Variants in MRPS15 observed in about 807,000 individuals in gnomAD.
MRPS15 encodes the protein mitochondrial ribosomal protein S15, also known as small ribosomal subunit protein uS15m.
MRPS15 carries 25 observed loss-of-function variants against 30.7 expected under a neutral mutation model. The observed-to-expected ratio is 0.81, with a 90% CI of 0.59 to 1.14. The LOEUF (loss-of-function observed/expected upper bound fraction) is 1.14. Among genes scored for constraint, MRPS15 ranks in the 50% most tolerant of loss-of-function variants. MRPS15 has a pLI of 0.00. For synonymous variants in MRPS15, 124 were observed against 120.1 expected (o/e 1.03, Z -0.21); for missense variants, 313 against 321.7 (o/e 0.97, Z 0.21).
rs531278002 is a variant in MRPS15, at chr1:36,463,983, C to T, written c.131-133G>A. ...ACCTAACCGCTGCCCCATTTCTTCC[C>T]TACCCCTTGTCTCTCACATCTTGTT... On this transcript the variant is annotated intron_variant, in intron 1 of 7. Transcript: ENST00000373116. 9.6e-5 allele frequency: 144 copies of T among 1,504,478 alleles called. 1 individual carries two copies. The African/African-American group carries it at 1.9e-3, about 20-fold the overall frequency. 93.2% of individuals were successfully genotyped at this position (1,504,478 alleles called of 1,614,324 possible).
chr1:36,464,251 G>T lies in MRPS15; in HGVS notation c.25C>A (p.Leu9Met). The T allele has an allele frequency of 6.2e-7, 1 of 1,613,938 alleles. No homozygotes were observed. The highest frequency in any genetic ancestry group is 2.2e-5 in the East Asian group (1 of 44,864). Residue 9 changes from leucine to methionine, a missense_variant, in exon 1 of 8, where the codon CTG becomes ATG. Physicochemically the swap from Leu to Met is conservative, Grantham distance 15. Transcript: ENST00000373116. ...ACTGCCCGGGTCCGAATCAAACTCA[G>T]CGTCCTCCACGCGACCCTCAGCATG... is the stretch of plus-strand genomic sequence containing the variant. Reference protein sequence around the residue: MLRVAWRTLSLIRTRAVTQ... With the variant: MLRVAWRTMSLIRTRAVTQ...
In MRPS15 at chr1:36,463,716, G is replaced by A. The variant is rs956642138; in HGVS notation, c.175+90C>T. The stretch of plus-strand genomic sequence containing the variant: ...GGACCTCTGGCTCACCTCATCTAGT[G>A]GCTCTAATTCGCCACATCGGTCCCC... On this transcript the variant is annotated intron_variant, in intron 2 of 7. Transcript: ENST00000373116. The A allele has an allele frequency of 1.4e-5, 20 of 1,463,664 alleles. No homozygotes were observed. In the African/African-American group the frequency reaches 2.9e-4, roughly 21 times the overall value. The allele number at this position is 1,463,664 out of a possible 1,614,324, so 90.7% of individuals were successfully genotyped here.
At chr1:36,457,849 C>G in intron 6 of MRPS15, 74 bp downstream of exon 6, 1 of 1,444,208 alleles carries the variant, frequency 6.9e-7, no homozygotes. Flanking sequence ...TTCTCTGGAC[C>G]CAGAGCCCTT....
At position 36,463,835 on chromosome 1, in the gene MRPS15, G is replaced by A. The variant is rs746586243; in HGVS notation, c.146C>T (p.Ala49Val). Residue 49 changes from alanine (A) to valine (V), a missense_variant, in exon 2 of 8, where the codon GCC (alanine) becomes GTC (valine). Transcript: ENST00000373116. Reference protein sequence around the residue: ...GLQPRSLLLQAARGYVVRKPA... With the variant: ...GLQPRSLLLQVARGYVVRKPA... The stretch of plus-strand genomic sequence containing the variant: ...TTTCCGGACGACATATCCGCGCGCG[G>A]CCTGGAGGAGGAGACCTACGCAGAA... 3.7e-6 allele frequency: 6 copies of A among 1,612,646 alleles called. No homozygotes were observed. Among genetic ancestry groups the A allele is most frequent in the Middle Eastern group, 1.6e-4 (1 of 6,078 alleles).
At chr1:36,456,667 C>T in intron 6 of MRPS15, 1 of 291,804 alleles carries the variant, frequency 3.4e-6, no homozygotes, top group Non-Finnish European at 6.5e-6. Context: ...CTTTCTCCTA[C>T]ACTACCCACT....
intron 4 of MRPS15, 26 bp from the exon 5 acceptor site, chr1:36,460,802 T>G (rs752483301): frequency 1.1e-5 from 17 of 1,590,388 alleles, no homozygotes; most frequent in Non-Finnish European, 1.4e-5. Flanking sequence ...ACAGAGAAAA[T>G]CTGTGGAGTC....
rs555624196 is a variant in MRPS15, at chr1:36,461,199, C to T, written c.300+65G>A. ...GAAGCATGAGATGCGGGGTGCTAAT[C>T]AGGGTAGAAGGGAGTCCCAGAGGAG... On this transcript the variant is annotated intron_variant, in intron 4 of 7. Transcript: ENST00000373116. 16 of 1,479,818 alleles carry T rather than the reference C, an allele frequency of 1.1e-5. No homozygotes were observed. The South Asian group carries it at 1.8e-4, about 17-fold the overall frequency. 91.7% of individuals were successfully genotyped at this position (1,479,818 alleles called of 1,614,324 possible).
intron 5 of MRPS15, 152 bp downstream of exon 5, chr1:36,460,540 T>G: frequency 1.6e-6 from 1 of 627,852 alleles, no homozygotes; most frequent in Non-Finnish European, 2.8e-6. Context: ...CATCAGAGCT[T>G]GGGATACAGG....
intron 1 of MRPS15, 103 bp downstream of exon 1, chr1:36,464,043 A>T (rs954336398): frequency 1.5e-6 from 2 of 1,299,426 alleles, no homozygotes; most frequent in African/African-American, 3.3e-5. Flanking sequence ...TTTCCCCCTT[A>T]TCCTGACCGC....
intron 1 of MRPS15, 121 bp downstream of exon 1, chr1:36,464,025 C>T: frequency 7.3e-7 from 1 of 1,367,432 alleles, no homozygotes; most frequent in Non-Finnish European, 9.9e-7. Context: ...CTTGCGCAAC[C>T]ACCGCCCTTT....
At chr1:36,456,860 A>G (rs1457672063) in intron 6 of MRPS15, among the ~76,000 whole-genome samples, 1 of 152,250 alleles carries the variant, frequency 6.6e-6, no homozygotes, top group East Asian at 1.9e-4. Flanking sequence ...TCCAGGGAAC[A>G]CTGAGGTGCC....
chr1:36,464,154 T>C lies in MRPS15; in HGVS notation c.122A>G (p.Gln41Arg), dbSNP rs770397267. 2.5e-6 allele frequency: 4 copies of C among 1,613,722 alleles called. No homozygotes were observed. In the South Asian group the frequency reaches 3.3e-5, roughly 13 times the overall value. ...AKFPFNQWGL[Q>R]PRSLLLQAAR... is the part of the protein sequence containing the mutation. ...ATTTCTCAGCTCCTCACTTCGAGGC[T>C]GCAGGCCCCACTGGTTGAAAGGAAA... Residue 41 changes from glutamine (Q) to arginine (R), a missense_variant, in exon 1 of 8, where the codon CAG becomes CGG. Coordinates refer to ENST00000373116, the MANE Select transcript of MRPS15 (RefSeq NM_031280.4).
At chr1:36,461,816 CAA>C (rs1557581513) in intron 3 of MRPS15, among the ~76,000 whole-genome samples, 2 of 152,088 alleles carry the variant, frequency 1.3e-5, no homozygotes, top group Non-Finnish European at 2.9e-5. Flanking sequence ...GAGATTTCTA[CAA>C]AGACCTGTGA....
In MRPS15 at chr1:36,456,524, G is replaced by A. The variant is rs1026468722; in HGVS notation, c.445-146C>T. On this transcript the variant is annotated intron_variant, in intron 6 of 7. Transcript: ENST00000373116. Reference sequence around the variant, plus strand: ...CAATTCTGAAGGAGGTATTATCATTGTTATTCCCATTTTACAGATGAGAAA... The same window carrying A: ...CAATTCTGAAGGAGGTATTATCATTATTATTCCCATTTTACAGATGAGAAA... The A allele has an allele frequency of 1.3e-5, 10 of 761,864 alleles. No individual in the cohort carries two copies. The African/African-American group carries it at 1.8e-4, about 14-fold the overall frequency. 47.2% of individuals were successfully genotyped at this position (761,864 alleles called of 1,614,324 possible). A position where few individuals can be genotyped will look rare whatever the true frequency, so the allele number is the denominator to read the frequency against.
chr1:36,461,740 T>C (rs1349757202), intron 3 of MRPS15, among the ~76,000 whole-genome samples: 1 of 152,168 alleles, frequency 6.6e-6, no homozygotes, highest in Non-Finnish European at 1.5e-5. Context: ...TAGAACTGTA[T>C]GACACTGGAC....
At chr1:36,460,080 G>A (rs1435734694) in intron 5 of MRPS15, among the ~76,000 whole-genome samples, 1 of 152,126 alleles carries the variant, frequency 6.6e-6, no homozygotes, top group African/African-American at 2.4e-5. Context: ...GCGCGATCTC[G>A]GCTCACTGCA....
intron 7 of MRPS15, 38 bp from the exon 8 acceptor site, chr1:36,455,963 C>T: frequency 6.3e-7 from 1 of 1,599,328 alleles, no homozygotes; most frequent in Non-Finnish European, 8.5e-7. Context: ...CCTTGTAATC[C>T]TGTGCAAAAC....
intron 7 of MRPS15, 58 bp from the exon 8 acceptor site, chr1:36,455,983 G>A (rs1468049110): frequency 6.3e-7 from 1 of 1,582,992 alleles, no homozygotes; most frequent in South Asian, 1.2e-5. Flanking sequence ...CCTCAGACTT[G>A]GAACAAGTGG....
At position 36,464,257 on chromosome 1, in the gene MRPS15, T is replaced by C. The variant is rs1053056820; in HGVS notation, c.19A>G (p.Arg7Gly). The change falls in exon 1 of 8, where the codon AGG (arginine) becomes GGG (glycine). Residue 7 changes from arginine to glycine, a missense_variant. Arg to Gly is a moderately radical substitution (Grantham distance 125). Coordinates refer to ENST00000373116, the MANE Select transcript of MRPS15 (RefSeq NM_031280.4). The stretch of plus-strand genomic sequence containing the variant: ...CGGGTCCGAATCAAACTCAGCGTCC[T>C]CCACGCGACCCTCAGCATGGTGACC... MLRVAW[R>G]TLSLIRTRAV... 6.2e-7 allele frequency: 1 copy of C among 1,613,772 alleles called. No individual in the cohort carries two copies. Among genetic ancestry groups the C allele is most frequent in the African/African-American group, 1.3e-5 (1 of 74,938 alleles).
Sources: gnomAD v4.1 joint callset for allele counts (sites outside exome capture counted in the v4.1 genomes callset) on GRCh38, gnomAD v4.1.1 for gene constraint, MANE v1.5 for transcripts, NCBI Gene and HGNC (gene_info 2026-07-23, HGNC 2026-07-21) for gene names.